ZNF280B: variants seen among roughly 807,000 people sequenced by gnomAD.
ZNF280B encodes zinc finger protein 280B.
A neutral mutation model predicts 38.0 loss-of-function variants in ZNF280B; 16 were observed. The ratio of observed to expected loss-of-function variants is 0.42; its 90% CI spans 0.28 to 0.64. ZNF280B has a LOEUF of 0.64. ZNF280B is among the 30% of genes least tolerant of loss of function. The pLI is 0.21. For missense variants in ZNF280B, 581 were observed against 639.6 expected (o/e 0.91, Z 0.99); for synonymous variants, 253 against 230.6 (o/e 1.10, Z -0.88).
rs2061553286 is a variant in ZNF280B, at chr22:22,489,610, A to AT, written c.-68-145dup. On this transcript the variant is annotated intron_variant, in intron 3 of 3. Coordinates refer to ENST00000626650, the MANE Select transcript of ZNF280B (RefSeq NM_080764.4). Reference sequence around the variant, plus strand: ...GATAAATAACAGCTTAAAACCTGTGATAAAAGATCAGGTTCCTATGAATCT... The same window carrying AT: ...GATAAATAACAGCTTAAAACCTGTGATTAAAAGATCAGGTTCCTATGAATCT... 5 of 509,462 alleles carry AT rather than the reference A, an allele frequency of 9.8e-6. No individual in the cohort carries two copies. In the South Asian group the frequency reaches 1.9e-4, roughly 19 times the overall value. 31.6% of individuals were successfully genotyped at this position (509,462 alleles called of 1,614,324 possible). A position where few individuals can be genotyped will look rare whatever the true frequency, so the allele number is the denominator to read the frequency against.
At chr22:22,497,698 T>C (rs1015565319) in intron 2 of ZNF280B, among the ~76,000 whole-genome samples, 2 of 151,928 alleles carry the variant, frequency 1.3e-5, no homozygotes, top group African/African-American at 4.8e-5. Context: ...GACCTACAAA[T>C]AGCTGCTGCT....
intron 2 of ZNF280B, among the ~76,000 whole-genome samples, chr22:22,505,745 C>T (rs904270644): frequency 2.6e-5 from 4 of 151,544 alleles, no homozygotes; most frequent in Non-Finnish European, 5.9e-5. Context: ...GGTGACAGAG[C>T]GAAACTCCAT....
chr22:22,499,460 T>G (rs577428056), intron 2 of ZNF280B, among the ~76,000 whole-genome samples: 14 of 151,634 alleles, frequency 9.2e-5, no homozygotes, highest in Admixed American at 2.6e-4. Flanking sequence ...AGAGACATGG[T>G]TTCTCCATGC....
chr22:22,497,751 C>T lies in ZNF280B; in HGVS notation c.-186-3571G>A, dbSNP rs531279766. On this transcript the variant is annotated intron_variant, in intron 2 of 3. Transcript: ENST00000626650. ...ACACTAGCAAAAACTACAAAAATCA[C>T]GTTTTTCAGATCCTGGAAATTAACG... Among the ~76,000 whole-genome samples the T allele has an allele frequency of 1.1e-4, 16 of 152,018 alleles. No homozygotes were observed. The South Asian group carries it at 1.9e-3, about 18-fold the overall frequency.
Position 22,488,299 on chromosome 22 carries a change from G to A in ZNF280B, c.1100C>T (p.Thr367Ile). ...ACAGACAGTAGAGGGCTCCTGGGCA[G>A]TGTGGACATTTTCGATGTGACACTG... ...QLQCHIENVH[T>I]AQEPSTVCKI... Residue 367 changes from threonine (T) to isoleucine (I), a missense_variant, in exon 4 of 4, where the codon ACT becomes ATT. Thr to Ile is a moderately conservative substitution (Grantham distance 89). Coordinates refer to ENST00000626650, the MANE Select transcript of ZNF280B (RefSeq NM_080764.4). 6.2e-7 allele frequency: 1 copy of A among 1,613,916 alleles called. No individual in the cohort carries two copies. The highest frequency in any genetic ancestry group is 8.5e-7 in the Non-Finnish European group (1 of 1,179,976).
At position 22,488,014 on chromosome 22, in the gene ZNF280B, C is replaced by T; in HGVS notation, c.1385G>A (p.Cys462Tyr). 1.2e-6 allele frequency: 2 copies of T among 1,613,852 alleles called. No individual in the cohort carries two copies. The highest frequency in any genetic ancestry group is 1.7e-6 in the Non-Finnish European group (2 of 1,179,964). Reference sequence around the variant, plus strand: ...TAAAAACTGTAGCCGGCACTTGGAACACTGGTGTGCACTCTTTCCCCAGTG... The same window carrying T: ...TAAAAACTGTAGCCGGCACTTGGAATACTGGTGTGCACTCTTTCCCCAGTG... The part of the protein sequence containing the change: ...RGHWGKSAHQ[C>Y]SKCRLQFLTF... The change falls in exon 4 of 4, where the codon TGT (cysteine) becomes TAT (tyrosine). Residue 462 changes from cysteine to tyrosine, a missense_variant. By Grantham distance (194) the Cys-to-Tyr change is radical (BLOSUM62 -2). Coordinates refer to ENST00000626650, the MANE Select transcript of ZNF280B (RefSeq NM_080764.4).
In ZNF280B at chr22:22,486,889, G is replaced by C. The variant is rs569333948; in HGVS notation, c.*878C>G. ...CGCCTTCTTGGTCTCTGCTCACGCA[G>C]CAGCTTCTCTTTCAATTCCACATCC... On this transcript the variant is annotated 3_prime_UTR_variant, in exon 4 of 4. Transcript: ENST00000626650. 2 of 152,076 alleles carry C rather than the reference G, an allele frequency of 1.3e-5. No homozygotes were observed. The highest frequency in any genetic ancestry group is 3.9e-4 in the East Asian group (2 of 5,082). The allele number at this position is 152,076 out of a possible 1,614,324, so 9.4% of individuals were successfully genotyped here. A position where few individuals can be genotyped will look rare whatever the true frequency, so the allele number is the denominator to read the frequency against.
chr22:22,493,703 T>C (rs2061641464), intron 3 of ZNF280B, among the ~76,000 whole-genome samples: 1 of 151,962 alleles, frequency 6.6e-6, no homozygotes, highest in Non-Finnish European at 1.5e-5. Context: ...GGTTACTTCA[T>C]TTTTGTACAC....
Position 22,485,626 on chromosome 22 carries a change from T to A in ZNF280B, c.*2141A>T, listed in dbSNP as rs563868299. ...TTGTTATCTGTACTGCCTTCTACTC[T>A]AAGAGGGATGCTAAGCTCTTAATTA... On this transcript the variant is annotated 3_prime_UTR_variant, in exon 4 of 4. Coordinates refer to ENST00000626650, the MANE Select transcript of ZNF280B (RefSeq NM_080764.4). 6.6e-6 allele frequency: 1 copy of A among 152,094 alleles called. No homozygotes were observed. Among genetic ancestry groups the A allele is most frequent in the African/African-American group, 2.4e-5 (1 of 41,498 alleles). The allele number at this position is 152,094 out of a possible 1,614,324, so 9.4% of individuals were successfully genotyped here.
chr22:22,487,583 T>TAA lies in ZNF280B; in HGVS notation c.*182_*183dup, dbSNP rs2061519330. The TAA allele has an allele frequency of 3.8e-6, 2 of 526,330 alleles. No homozygotes were observed. The highest frequency in any genetic ancestry group is 3.2e-6 in the Non-Finnish European group (1 of 312,638). 32.6% of individuals were successfully genotyped at this position (526,330 alleles called of 1,614,324 possible). Reference sequence around the variant, plus strand: ...CAGTTAACATGAAAACCAGATGTTTTAAAATAATACCTCAAAATTCAGATC... The same window carrying TAA: ...CAGTTAACATGAAAACCAGATGTTTTAAAAAATAATACCTCAAAATTCAGATC... On this transcript the variant is annotated 3_prime_UTR_variant, in exon 4 of 4. Coordinates refer to ENST00000626650, the MANE Select transcript of ZNF280B (RefSeq NM_080764.4).
At chr22:22,489,786 G>A (rs528984996) in intron 3 of ZNF280B, among the ~76,000 whole-genome samples, 1 of 151,954 alleles carries the variant, frequency 6.6e-6, no homozygotes, top group Non-Finnish European at 1.5e-5. Flanking sequence ...GGGCTTTGGA[G>A]TTGAAGAGTA....
intron 3 of ZNF280B, among the ~76,000 whole-genome samples, chr22:22,490,496 T>G (rs9620077): frequency 0.047 from 7,104 of 151,928 alleles, 590 homozygotes; most frequent in African/African-American, 0.16. Flanking sequence ...ATTTTATTTT[T>G]TTGAGATGGA....
At chr22:22,494,453 C>T (rs1231863014) in intron 2 of ZNF280B, among the ~76,000 whole-genome samples, 5 of 151,914 alleles carry the variant, frequency 3.3e-5, no homozygotes, top group African/African-American at 1.2e-4. Context: ...GTTTTCTTCT[C>T]CTCTAGATGT....
chr22:22,495,515 A>G (rs2061676166), intron 2 of ZNF280B, among the ~76,000 whole-genome samples: 1 of 151,960 alleles, frequency 6.6e-6, no homozygotes, highest in South Asian at 2.1e-4. Flanking sequence ...ACGTTATAGA[A>G]TTAGGAAAAA....
chr22:22,504,216 G>A (rs1458961056), intron 2 of ZNF280B, among the ~76,000 whole-genome samples: 5 of 151,732 alleles, frequency 3.3e-5, no homozygotes, highest in East Asian at 2.0e-4. Flanking sequence ...GGTGGCTCAC[G>A]AGGCCAGGAG....
Position 22,487,805 on chromosome 22 carries a change from G to A in ZNF280B, c.1594C>T (p.Pro532Ser). 1 of 1,604,436 alleles carries A rather than the reference G, an allele frequency of 6.2e-7. No individual in the cohort carries two copies. Among genetic ancestry groups the A allele is most frequent in the Non-Finnish European group, 8.5e-7 (1 of 1,176,514 alleles). Residue 532 changes from proline to serine, a missense_variant, in exon 4 of 4, where the codon CCC (proline) becomes TCC (serine). Coordinates refer to ENST00000626650, the MANE Select transcript of ZNF280B (RefSeq NM_080764.4). ...VSTSDSEPSL[P>S]RSKSKISKKS... is the part of the protein sequence containing the mutation. ...TTTGAAATTTTGCTTTTAGACCTGGGGAGTGATGGTTCAGAGTCAGATGTG... is the reference window on the plus strand; with the variant it reads ...TTTGAAATTTTGCTTTTAGACCTGGAGAGTGATGGTTCAGAGTCAGATGTG...
rs140929485 is a variant in ZNF280B, at chr22:22,488,740, T to C, written c.659A>G (p.Asn220Ser). The C allele has an allele frequency of 1.2e-6, 2 of 1,613,880 alleles. No homozygotes were observed. The highest frequency in any genetic ancestry group is 1.7e-6 in the Non-Finnish European group (2 of 1,179,970). Residue 220 changes from asparagine (N) to serine (S), a missense_variant, in exon 4 of 4, where the codon AAT becomes AGT. By Grantham distance (46) the Asn-to-Ser change is conservative. Coordinates refer to ENST00000626650, the MANE Select transcript of ZNF280B (RefSeq NM_080764.4). ...TMNTQQSTPS[N>S]NVHTSLSHVQ... ...ATGGCTTAATGAGGTATGAACATTA[T>C]TTGAGGGTGTACTTTGCTGAGTATT...
In ZNF280B at chr22:22,484,533, GA is replaced by G. The variant is rs1422002552; in HGVS notation, c.*3233del. 6.6e-6 allele frequency: 1 copy of G among 152,034 alleles called. No individual in the cohort carries two copies. The highest frequency in any genetic ancestry group is 1.5e-5 in the Non-Finnish European group (1 of 67,940). The allele number at this position is 152,034 out of a possible 1,614,324, so 9.4% of individuals were successfully genotyped here. On this transcript the variant is annotated 3_prime_UTR_variant, in exon 4 of 4. Coordinates refer to ENST00000626650, the MANE Select transcript of ZNF280B (RefSeq NM_080764.4). ...AGAACAAGCGAGCAAAATAGACAAG[GA>G]AATTCACAAAGGGCAATAACAAAAT...
chr22:22,498,883 C>T (rs1191350640), intron 2 of ZNF280B, among the ~76,000 whole-genome samples: 7 of 143,416 alleles, frequency 4.9e-5, no homozygotes, highest in African/African-American at 1.8e-4. Context: ...CTACAAGCTC[C>T]GCCTCCCAGG....
Sources: allele counts gnomAD v4.1 joint callset (sites outside exome capture counted in the v4.1 genomes callset), GRCh38; gene constraint gnomAD v4.1.1; transcripts MANE v1.5; gene names NCBI Gene and HGNC (gene_info 2026-07-23, HGNC 2026-07-21).